The following CLCA2 variants were observed in gnomAD, a reference collection of about 807,000 sequenced individuals.
CLCA2 encodes chloride channel accessory 2, also known as calcium-activated chloride channel regulator 2.
Under a neutral mutation model 82.9 loss-of-function variants are expected in CLCA2, and 85 were observed. That is an observed-to-expected ratio of 1.03 (90% confidence interval 0.86 to 1.23). The LOEUF (loss-of-function observed/expected upper bound fraction) is 1.23, where lower values mean the gene tolerates loss of function less well. CLCA2 is among the 50% of genes most tolerant of loss of function. CLCA2 has a pLI of 0.00. For missense variants in CLCA2, 1,089 were observed against 1,124.8 expected, an observed-to-expected ratio of 0.97 and a Z score of 0.45; for synonymous variants, 421 against 391.7, an observed-to-expected ratio of 1.07 and a Z score of -0.88.
Position 86,443,943 on chromosome 1 carries a change from T to C in CLCA2, c.1645T>C (p.Tyr549His), listed in dbSNP as rs555813478. The part of the protein sequence containing the change: ...ILFDPDGRKY[Y>H]TNNFITNLTF... ...ATTTGATCCTGATGGACGAAAATAC[T>C]ACACAAATAATTTTATCACCAATCT... The change falls in exon 10 of 14, where the codon TAC becomes CAC. Residue 549 changes from tyrosine (Y) to histidine (H), a missense_variant. Physicochemically the swap from Tyr to His is moderately conservative, Grantham distance 83. Coordinates refer to ENST00000370565, the MANE Select transcript of CLCA2 (RefSeq NM_006536.7). The C allele has an allele frequency of 1.2e-5, 20 of 1,613,694 alleles. No homozygotes were observed. The Admixed American group carries it at 1.3e-4, about 11-fold the overall frequency.
intron 8 of CLCA2, among the ~76,000 whole-genome samples, chr1:86,440,680 C>A (rs1363047819): frequency 2.6e-5 from 4 of 152,128 alleles, no homozygotes; most frequent in Admixed American, 2.6e-4. Flanking sequence ...GTGGGCAGAT[C>A]GCTTGAGGTC....
Position 86,444,152 on chromosome 1 carries a change from T to C in CLCA2, c.1713+141T>C, listed in dbSNP as rs532722962. 5.5e-5 allele frequency: 34 copies of C among 615,966 alleles called. No homozygotes were observed. The African/African-American group carries it at 5.7e-4, about 10-fold the overall frequency. 38.2% of individuals were successfully genotyped at this position (615,966 alleles called of 1,614,324 possible). A position where few individuals can be genotyped will look rare whatever the true frequency, so the allele number is the denominator to read the frequency against. On this transcript the variant is annotated intron_variant, in intron 10 of 13. Transcript: ENST00000370565. ...TTTACTTTAAATTTATGAGGCCATT[T>C]TGTGAATATTAAAAATTTAAGAGGA...
intron 6 of CLCA2, among the ~76,000 whole-genome samples, chr1:86,436,518 G>T (rs752726156): frequency 5.9e-5 from 9 of 152,150 alleles, no homozygotes; most frequent in Non-Finnish European, 1.2e-4. Context: ...AATAATAAGT[G>T]GTAGCTGTTT....
rs1466858680 is a variant in CLCA2 at position 86,455,147 on chromosome 1, G to A, written c.2452G>A (p.Ala818Thr). The change falls in exon 14 of 14, where the codon GCT becomes ACT. Residue 818 changes from alanine (A) to threonine (T), a missense_variant. Transcript: ENST00000370565. ...LQNIQDDFNNAILVNTSKRNP... is the reference protein window; with the variant it reads ...LQNIQDDFNNTILVNTSKRNP... ...GAATATCCAAGATGACTTTAACAAT[G>A]CTATTTTAGTAAATACATCAAAGCG... The A allele has an allele frequency of 6.2e-7, 1 of 1,610,714 alleles. No homozygotes were observed. The highest frequency in any genetic ancestry group is 1.1e-5 in the South Asian group (1 of 90,750).
At chr1:86,440,433 G>T in intron 8 of CLCA2, 108 bp downstream of exon 8, 6 of 1,041,734 alleles carry the variant, frequency 5.8e-6, no homozygotes, top group Admixed American at 3.1e-5. Context: ...TACAGAAATT[G>T]TTTTTAAAAA....
At chr1:86,427,404 A>G (rs1662409534) in intron 2 of CLCA2, among the ~76,000 whole-genome samples, 1 of 152,132 alleles carries the variant, frequency 6.6e-6, no homozygotes, top group Admixed American at 6.6e-5. Flanking sequence ...TCTTTCTAAA[A>G]ATAAATGTTA....
At chr1:86,443,004 C>T (rs1247341616) in intron 9 of CLCA2, among the ~76,000 whole-genome samples, 3 of 151,864 alleles carry the variant, frequency 2.0e-5, no homozygotes, top group South Asian at 2.1e-4. Flanking sequence ...TGTGCACACA[C>T]GTGGCTTATT....
At chr1:86,438,833 T>A in intron 6 of CLCA2, 43 bp from the exon 7 acceptor site, 1 of 1,551,444 alleles carries the variant, frequency 6.4e-7, no homozygotes, top group South Asian at 1.1e-5. Context: ...TTTTGTCTAC[T>A]AACCAAATGT....
At chr1:86,426,056 G>A (rs1281669494) in intron 2 of CLCA2, among the ~76,000 whole-genome samples, 1 of 152,018 alleles carries the variant, frequency 6.6e-6, no homozygotes, top group Non-Finnish European at 1.5e-5. Flanking sequence ...TCCACCTATA[G>A]AGGAACTTCA....
intron 12 of CLCA2, 109 bp downstream of exon 12, chr1:86,450,842 AACTCTTT>A: frequency 1.0e-6 from 1 of 965,938 alleles, no homozygotes; most frequent in Non-Finnish European, 1.5e-6. Flanking sequence ...AGAATTTCAA[AACTCTTT>A]ACGCTTAAGT....
Position 86,425,358 on chromosome 1 carries a change from C to A in CLCA2, c.206C>A (p.Ser69Ter). 6.4e-7 allele frequency: 1 copy of A among 1,558,084 alleles called. No homozygotes were observed. The highest frequency in any genetic ancestry group is 1.3e-5 in the South Asian group (1 of 79,920). Reference protein sequence around the residue: ...SNIKEMITEASFYLFNATKRR... With the variant: ...SNIKEMITEA ...CTGTAGGAAATGATAACTGAAGCTT[C>A]ATTTTACCTATTTAATGCTACCAAG... The change falls in exon 2 of 14, where the codon TCA (serine) becomes TAA (stop). Residue 69 changes from serine to a stop codon, truncating the protein, a stop_gained. Coordinates refer to ENST00000370565, the MANE Select transcript of CLCA2 (RefSeq NM_006536.7). LOFTEE classifies it high-confidence loss of function.
At chr1:86,438,413 C>T (rs942133911) in intron 6 of CLCA2, among the ~76,000 whole-genome samples, 2 of 152,148 alleles carry the variant, frequency 1.3e-5, no homozygotes, top group African/African-American at 4.8e-5. Flanking sequence ...AGATGAAGTA[C>T]CCAGCCTAAG....
chr1:86,440,403 T>C (rs1391380816), intron 8 of CLCA2, 78 bp downstream of exon 8: 2 of 1,193,366 alleles, frequency 1.7e-6, no homozygotes, highest in Non-Finnish European at 2.3e-6. Flanking sequence ...ATGAAACTCA[T>C]TATATGGCTT....
Position 86,444,039 on chromosome 1 carries a change from A to T in CLCA2, c.1713+28A>T, listed in dbSNP as rs139654935. 2.5e-4 allele frequency: 340 copies of T among 1,387,466 alleles called. 5 individuals carry two copies. The East Asian group carries it at 6.2e-3, about 25-fold the overall frequency. The allele number at this position is 1,387,466 out of a possible 1,614,324, so 85.9% of individuals were successfully genotyped here. On this transcript the variant is annotated intron_variant, in intron 10 of 13. Transcript: ENST00000370565. Reference sequence around the variant, plus strand: ...AGGTGTTGTGAGTTTGTTCCTAAGGACAACGTTCAACCAAGTTTATGATTT... The same window carrying T: ...AGGTGTTGTGAGTTTGTTCCTAAGGTCAACGTTCAACCAAGTTTATGATTT...
In CLCA2 at chr1:86,432,455, A is replaced by T. The variant is rs1662520951; in HGVS notation, c.671A>T (p.Glu224Val). ...TGTATTATTAGTAAGCTTTTTAAAG[A>T]AGGATGCACCTTTATCTACAATAGC... ...ENCIISKLFKEGCTFIYNSTQ... is the reference protein window; with the variant it reads ...ENCIISKLFKVGCTFIYNSTQ... Residue 224 changes from glutamate (E) to valine (V), a missense_variant, in exon 5 of 14, where the codon GAA (glutamate) becomes GTA (valine). Physicochemically the swap from Glu to Val is moderately radical, Grantham distance 121 (BLOSUM62 -2). Transcript: ENST00000370565. The T allele has an allele frequency of 6.2e-7, 1 of 1,614,096 alleles. No individual in the cohort carries two copies.
At chr1:86,436,553 G>T (rs551915870) in intron 6 of CLCA2, among the ~76,000 whole-genome samples, 1 of 152,210 alleles carries the variant, frequency 6.6e-6, no homozygotes, top group East Asian at 1.9e-4. Context: ...TGTCCAAGGA[G>T]AGAATTTATC....
chr1:86,444,050 C>A, intron 10 of CLCA2, 39 bp downstream of exon 10: 1 of 1,335,706 alleles, frequency 7.5e-7, no homozygotes, highest in Non-Finnish European at 1.1e-6. Context: ...CAACGTTCAA[C>A]CAAGTTTATG....
chr1:86,432,419 C>G lies in CLCA2; in HGVS notation c.635C>G (p.Pro212Arg), dbSNP rs527413742. The G allele has an allele frequency of 6.8e-6, 11 of 1,613,918 alleles. No individual in the cohort carries two copies. In the Admixed American group the frequency reaches 8.3e-5, roughly 12 times the overall value. Residue 212 changes from proline (P) to arginine (R), a missense_variant, in exon 5 of 14, where the codon CCC becomes CGC. Transcript: ENST00000370565. ...TTTGTGTGTGAAAAAGGTCCTTGCC[C>G]CCAAGAAAACTGTATTATTAGTAAG... ...GIFVCEKGPC[P>R]QENCIISKLF...
intron 12 of CLCA2, among the ~76,000 whole-genome samples, chr1:86,452,708 C>T (rs1662997882): frequency 6.6e-6 from 1 of 152,168 alleles, no homozygotes; most frequent in African/African-American, 2.4e-5. Flanking sequence ...CTCTTTGATA[C>T]CACGCTAAAT....
Sources: gnomAD v4.1 joint callset for allele counts (sites outside exome capture counted in the v4.1 genomes callset) on GRCh38, gnomAD v4.1.1 for gene constraint, MANE v1.5 for transcripts, NCBI Gene and HGNC (gene_info 2026-07-23, HGNC 2026-07-21) for gene names.